Variants in ANKS1B observed in about 807,000 individuals in gnomAD.
ANKS1B encodes ankyrin repeat and sterile alpha motif domain-containing protein 1B.
ANKS1B carries 36 observed loss-of-function variants against 148.3 expected under a neutral mutation model. The observed-to-expected ratio is 0.24, with a 90% CI of 0.19 to 0.32. ANKS1B has a LOEUF of 0.32. ANKS1B is among the 10% of genes least tolerant of loss of function. The probability of loss-of-function intolerance (pLI) is 1.00; values close to 1 mark genes in which losing one functional copy is unlikely to be tolerated. For synonymous variants in ANKS1B, 542 were observed against 560.8 expected (o/e 0.97, Z 0.47); for missense variants, 1,157 against 1,542.6 (o/e 0.75, Z 4.19).
In ANKS1B at chr12:99,968,017, T is replaced by C. The variant is rs2095508874; in HGVS notation, c.134+16087A>G. Reference sequence around the variant, plus strand: ...ATTGGTACAGGATAAAACTAAATTATGAGACTTCTGAGTTTGGGGTAGAAG... The same window carrying C: ...ATTGGTACAGGATAAAACTAAATTACGAGACTTCTGAGTTTGGGGTAGAAG... On this transcript the variant is annotated intron_variant, in intron 1 of 26. Coordinates refer to ENST00000683438, the MANE Select transcript of ANKS1B (RefSeq NM_001352186.2). Among the ~76,000 whole-genome samples the C allele has an allele frequency of 2.0e-5, 3 of 151,906 alleles. No homozygotes were observed. The South Asian group carries it at 6.2e-4, about 32-fold the overall frequency.
chr12:99,648,933 G>A (rs977083282), intron 9 of ANKS1B: 5 of 1,189,390 alleles, frequency 4.2e-6, no homozygotes, highest in Non-Finnish European at 5.7e-6. Flanking sequence ...TCCATTTGGA[G>A]GCCATGGTAC....
chr12:99,792,335 C>A (rs1385858793), intron 4 of ANKS1B, among the ~76,000 whole-genome samples: 1 of 151,832 alleles, frequency 6.6e-6, no homozygotes, highest in African/African-American at 2.4e-5. Context: ...AATACCAATC[C>A]TATTCAAACT....
intron 17 of ANKS1B, among the ~76,000 whole-genome samples, chr12:98,956,802 C>T (rs1215125091): frequency 6.6e-6 from 1 of 152,060 alleles, no homozygotes; most frequent in Non-Finnish European, 1.5e-5. Context: ...TTGGTTCCTG[C>T]CCTCATGAAA....
intron 12 of ANKS1B, chr12:99,345,013 G>A (rs1299432769): frequency 2.0e-5 from 3 of 151,986 alleles, no homozygotes; most frequent in East Asian, 1.9e-4. Flanking sequence ...GACATTTGTC[G>A]GCTTTGGACC....
chr12:99,885,310 CTTT>C (rs369104539), intron 1 of ANKS1B, among the ~76,000 whole-genome samples: 1 of 129,906 alleles, frequency 7.7e-6, no homozygotes, highest in Non-Finnish European at 1.6e-5. Context: ...TTCTCATGTC[CTTT>C]TTTTTTTTTT....
intron 9 of ANKS1B, among the ~76,000 whole-genome samples, chr12:99,635,221 G>C (rs369430096): frequency 6.6e-6 from 1 of 152,206 alleles, no homozygotes; most frequent in East Asian, 1.9e-4. Context: ...ATTAGAAATA[G>C]AATTACCATA....
intron 12 of ANKS1B, among the ~76,000 whole-genome samples, chr12:99,298,205 G>A (rs2081154249): frequency 6.6e-6 from 1 of 152,264 alleles, no homozygotes; most frequent in African/African-American, 2.4e-5. Flanking sequence ...TTTATTGAAT[G>A]TTTCCTACGT....
intron 1 of ANKS1B, among the ~76,000 whole-genome samples, chr12:99,903,956 C>A (rs7133040): frequency 0.17 from 26,599 of 152,066 alleles, 2,946 homozygotes; most frequent in Non-Finnish European, 0.25. Flanking sequence ...TAAATTTGAA[C>A]TCAGACTAGC....
At chr12:99,395,456 G>A (rs2094213449) in intron 12 of ANKS1B, among the ~76,000 whole-genome samples, 1 of 152,102 alleles carries the variant, frequency 6.6e-6, no homozygotes, top group African/African-American at 2.4e-5. Context: ...AAACTTTAGA[G>A]CCCTCCTTGA....
chr12:99,019,230 A>C (rs925171745), intron 17 of ANKS1B, among the ~76,000 whole-genome samples: 2 of 152,192 alleles, frequency 1.3e-5, no homozygotes, highest in Non-Finnish European at 2.9e-5. Context: ...CTGTAAACCT[A>C]TTCAAAATTT....
chr12:99,148,048 T>C (rs2153812668), intron 15 of ANKS1B, among the ~76,000 whole-genome samples: 1 of 152,042 alleles, frequency 6.6e-6, no homozygotes, highest in East Asian at 1.9e-4. Flanking sequence ...AAAATGGAGG[T>C]CACTGCCACT....
At chr12:99,046,459 C>T (rs1045822265) in intron 17 of ANKS1B, among the ~76,000 whole-genome samples, 2 of 152,204 alleles carry the variant, frequency 1.3e-5, no homozygotes, top group Middle Eastern at 3.4e-3. Context: ...ATATGTTCCA[C>T]AAGTTGGAGG....
At chr12:99,932,230 TG>T (rs1355688055) in intron 1 of ANKS1B, among the ~76,000 whole-genome samples, 1 of 152,150 alleles carries the variant, frequency 6.6e-6, no homozygotes, top group Admixed American at 6.6e-5. Flanking sequence ...GCAATAAACA[TG>T]GGGGTGTAAA....
chr12:99,741,053 C>T (rs2060050504), intron 8 of ANKS1B, among the ~76,000 whole-genome samples: 1 of 151,928 alleles, frequency 6.6e-6, no homozygotes, highest in African/African-American at 2.4e-5. Context: ...ACTGAAAATA[C>T]AAAAATTAGC....
chr12:99,365,742 C>T (rs1043432156), intron 12 of ANKS1B, among the ~76,000 whole-genome samples: 58 of 152,088 alleles, frequency 3.8e-4, no homozygotes, highest in African/African-American at 1.2e-3. Flanking sequence ...AGCAACTTAG[C>T]GGGCAAGACC....
At chr12:98,850,990 T>C (rs1006243525) in intron 17 of ANKS1B, among the ~76,000 whole-genome samples, 23 of 152,252 alleles carry the variant, frequency 1.5e-4, no homozygotes, top group Admixed American at 2.6e-4. Flanking sequence ...GCAGCATGTT[T>C]TGTAAAAGTT....
intron 15 of ANKS1B, among the ~76,000 whole-genome samples, chr12:99,141,763 AC>A (rs2070882498): frequency 6.6e-6 from 1 of 151,844 alleles, no homozygotes; most frequent in African/African-American, 2.4e-5. Flanking sequence ...ATGTTATCAT[AC>A]CTTTTCATGG....
At chr12:99,170,133 G>A (rs960870358) in intron 14 of ANKS1B, among the ~76,000 whole-genome samples, 1 of 152,180 alleles carries the variant, frequency 6.6e-6, no homozygotes, top group Admixed American at 6.5e-5. Flanking sequence ...CCATCACCTG[G>A]ATATTTTTAT....
At chr12:99,803,231 A>G (rs1012734862) in intron 4 of ANKS1B, among the ~76,000 whole-genome samples, 4 of 151,764 alleles carry the variant, frequency 2.6e-5, no homozygotes, top group Non-Finnish European at 2.9e-5. Flanking sequence ...GTCTGATGGG[A>G]AAAACTTGGT....
Sources: allele counts gnomAD v4.1 joint callset (sites outside exome capture counted in the v4.1 genomes callset), GRCh38; gene constraint gnomAD v4.1.1; transcripts MANE v1.5; gene names NCBI Gene and HGNC (gene_info 2026-07-23, HGNC 2026-07-21).